WDR64: variants seen among roughly 807,000 people sequenced by gnomAD.
WDR64 encodes the protein WD repeat-containing protein 64.
A neutral mutation model predicts 139.3 loss-of-function variants in WDR64; 112 were observed. That is an observed-to-expected ratio of 0.80 (90% CI 0.69 to 0.94). WDR64 has a LOEUF of 0.94. Among genes scored for constraint, WDR64 ranks in the 40% least tolerant of loss-of-function variants. WDR64 has a pLI of 0.00. For synonymous variants in WDR64, 444 were observed against 437.7 expected, an observed-to-expected ratio of 1.01 and a Z score of -0.18; for missense variants, 1,206 against 1,293.1, an observed-to-expected ratio of 0.93 and a Z score of 1.03.
At chr1:241,754,598 G>A (rs765570275) in intron 14 of WDR64, among the ~76,000 whole-genome samples, 1 of 152,050 alleles carries the variant, frequency 6.6e-6, no homozygotes, top group African/African-American at 2.4e-5. Context: ...AATTACAGGC[G>A]TCAGCCACCT....
chr1:241,722,411 C>T (rs1668643632), intron 9 of WDR64, among the ~76,000 whole-genome samples: 1 of 151,984 alleles, frequency 6.6e-6, no homozygotes, highest in African/African-American at 2.4e-5. Context: ...CATAATGATA[C>T]CACACTTGGG....
chr1:241,790,462 C>A, intron 24 of WDR64, 129 bp from the exon 25 acceptor site: 1 of 694,938 alleles, frequency 1.4e-6, no homozygotes, highest in Non-Finnish European at 2.4e-6. Context: ...TGTAGAGATA[C>A]TGTCATTGGG....
intron 1 of WDR64, among the ~76,000 whole-genome samples, chr1:241,657,005 C>G (rs771576235): frequency 3.3e-5 from 5 of 151,694 alleles, no homozygotes; most frequent in Non-Finnish European, 7.4e-5. Context: ...CTTCTGCCCC[C>G]AAAACTTCCA....
chr1:241,744,323 G>A lies in WDR64; in HGVS notation c.1471-70G>A, dbSNP rs1030268713. The A allele has an allele frequency of 3.0e-5, 47 of 1,577,634 alleles. No homozygotes were observed. The African/African-American group carries it at 6.1e-4, about 21-fold the overall frequency. ...CCATTTTTGAGGCTGTTTTGAATAT[G>A]GTGTAATTCTGATGAGAATTGAAGG... On this transcript the variant is annotated intron_variant, in intron 12 of 27. Transcript: ENST00000437684.
intron 3 of WDR64, among the ~76,000 whole-genome samples, chr1:241,674,151 A>T (rs1666360382): frequency 1.3e-5 from 2 of 151,974 alleles, no homozygotes. Flanking sequence ...ATCTCTGAGG[A>T]TCATTAAAAC....
At chr1:241,759,341 T>C (rs1670336761) in intron 15 of WDR64, among the ~76,000 whole-genome samples, 1 of 152,218 alleles carries the variant, frequency 6.6e-6, no homozygotes, top group Admixed American at 6.5e-5. Context: ...TTAAGTTTGC[T>C]TCATTTTTAA....
At chr1:241,700,315 A>G (rs941583063) in intron 8 of WDR64, among the ~76,000 whole-genome samples, 1 of 151,260 alleles carries the variant, frequency 6.6e-6, no homozygotes, top group Non-Finnish European at 1.5e-5. Flanking sequence ...CCCTACTTCC[A>G]CTGGTTAAGC....
intron 1 of WDR64, among the ~76,000 whole-genome samples, chr1:241,657,826 G>T (rs1349882213): frequency 6.6e-6 from 1 of 152,148 alleles, no homozygotes; most frequent in Non-Finnish European, 1.5e-5. Flanking sequence ...GAAGGAGGTA[G>T]CTCTGTAAAC....
At chr1:241,677,703 G>T (rs995645764) in intron 4 of WDR64, among the ~76,000 whole-genome samples, 1 of 152,136 alleles carries the variant, frequency 6.6e-6, no homozygotes, top group African/African-American at 2.4e-5. Flanking sequence ...AAAAGAGGAG[G>T]CCCACTGGGT....
At chr1:241,672,066 T>G (rs1473777838) in intron 3 of WDR64, among the ~76,000 whole-genome samples, 3 of 151,888 alleles carry the variant, frequency 2.0e-5, no homozygotes, top group Non-Finnish European at 4.4e-5. Flanking sequence ...TCCCAGCTAC[T>G]CGGGAGGCTG....
At chr1:241,783,424 C>G (rs1364792471) in intron 23 of WDR64, 43 bp downstream of exon 23, 1 of 1,433,184 alleles carries the variant, frequency 7.0e-7, no homozygotes, top group East Asian at 2.3e-5. Flanking sequence ...GTACTGTGAG[C>G]ATGAGAGGTA....
At position 241,783,353 on chromosome 1, in the gene WDR64, C is replaced by A. The variant is rs777671797; in HGVS notation, c.2677C>A (p.Leu893Ile). ...VIYVEEKQVV[L>I]TASIDGSVRL... is the part of the protein sequence containing the mutation. ...CTATGTAGAAGAAAAACAAGTGGTA[C>A]TTACTGCCTCCATCGATGGCTCAGT... Residue 893 changes from leucine (L) to isoleucine (I), a missense_variant, in exon 23 of 28, where the codon CTT becomes ATT. Physicochemically the swap from Leu to Ile is conservative, Grantham distance 5. Coordinates refer to ENST00000437684, the MANE Select transcript of WDR64 (RefSeq NM_001367482.1). 5.6e-6 allele frequency: 9 copies of A among 1,613,886 alleles called. No homozygotes were observed.
At chr1:241,762,715 A>G (rs1657976480) in intron 15 of WDR64, among the ~76,000 whole-genome samples, 1 of 152,140 alleles carries the variant, frequency 6.6e-6, no homozygotes, top group Non-Finnish European at 1.5e-5. Context: ...GACATTAGCA[A>G]AACAACCATA....
intron 8 of WDR64, among the ~76,000 whole-genome samples, chr1:241,711,395 C>T (rs998544884): frequency 6.6e-6 from 1 of 152,110 alleles, no homozygotes; most frequent in Admixed American, 6.6e-5. Flanking sequence ...CAGGACTTGA[C>T]AGCAGATTGG....
In WDR64 at chr1:241,801,201, G is replaced by C; in HGVS notation, c.3262G>C (p.Ala1088Pro). 6.2e-7 allele frequency: 1 copy of C among 1,613,580 alleles called. No individual in the cohort carries two copies. ...QINLASSFFP[A>P]IPK is the part of the protein sequence containing the mutation. ...AAATCTGGCTTCTTCCTTCTTCCCAGCTATACCCAAGTAAGGAGAAAAAAT... is the reference window on the plus strand; with the variant it reads ...AAATCTGGCTTCTTCCTTCTTCCCACCTATACCCAAGTAAGGAGAAAAAAT... Residue 1088 changes from alanine (A) to proline (P), a missense_variant, in exon 28 of 28, where the codon GCT (alanine) becomes CCT (proline). Coordinates refer to ENST00000437684, the MANE Select transcript of WDR64 (RefSeq NM_001367482.1).
intron 23 of WDR64, among the ~76,000 whole-genome samples, chr1:241,784,022 A>C (rs1658944439): frequency 6.6e-6 from 1 of 152,228 alleles, no homozygotes; most frequent in South Asian, 2.1e-4. Flanking sequence ...GAGGCTTTGA[A>C]GTATATTAGG....
chr1:241,790,912 C>T (rs563257855), intron 25 of WDR64, among the ~76,000 whole-genome samples: 3 of 152,176 alleles, frequency 2.0e-5, no homozygotes, highest in African/African-American at 2.4e-5. Flanking sequence ...TGAGGTGTCA[C>T]CTGAGCTGAG....
intron 21 of WDR64, among the ~76,000 whole-genome samples, chr1:241,775,888 C>T (rs1332067726): frequency 1.3e-5 from 2 of 151,482 alleles, no homozygotes; most frequent in African/African-American, 4.9e-5. Context: ...AAAGCTTAGC[C>T]CCCTTTCACT....
chr1:241,716,287 GA>G (rs10696205), intron 9 of WDR64, among the ~76,000 whole-genome samples: 22 of 145,248 alleles, frequency 1.5e-4, no homozygotes, highest in South Asian at 4.4e-4. Flanking sequence ...GCTTTTGCAG[GA>G]AAAAAAAAAA....
Sources: gnomAD v4.1 joint callset for allele counts (sites outside exome capture counted in the v4.1 genomes callset) on GRCh38, gnomAD v4.1.1 for gene constraint, MANE v1.5 for transcripts, NCBI Gene and HGNC (gene_info 2026-07-23, HGNC 2026-07-21) for gene names.